The following STAB1 variants were observed in gnomAD, a reference collection of about 807,000 sequenced individuals.
STAB1 encodes stabilin 1.
Under a neutral mutation model 332.4 loss-of-function variants are expected in STAB1, and 250 were observed. The ratio of observed to expected loss-of-function variants is 0.75; its 90% CI spans 0.68 to 0.84. The LOEUF is 0.84. Among genes scored for constraint, STAB1 ranks in the 40% least tolerant of loss-of-function variants. STAB1 has a pLI of 0.00. For missense variants in STAB1, 3,249 were observed against 3,489.7 expected (o/e 0.93, Z 1.74); for synonymous variants, 1,475 against 1,390.4 (o/e 1.06, Z -1.35).
chr3:52,501,545 G>A (rs113454193), intron 2 of STAB1, 93 bp from the exon 3 acceptor site: 10 of 1,255,426 alleles, frequency 8.0e-6, no homozygotes, highest in Non-Finnish European at 1.0e-5. Context: ...GAGCAGGGAG[G>A]TGGGTGGGAG....
At chr3:52,508,210 G>A in intron 20 of STAB1, 63 bp from the exon 21 acceptor site, 2 of 1,508,730 alleles carry the variant, frequency 1.3e-6, no homozygotes, top group Non-Finnish European at 1.8e-6. Flanking sequence ...AGGGAGCAGA[G>A]GCAGCCTGGG....
chr3:52,513,793 A>G lies in STAB1; in HGVS notation c.3347A>G (p.Gln1116Arg). 1 of 1,613,410 alleles carries G rather than the reference A, an allele frequency of 6.2e-7. No homozygotes were observed. Among genetic ancestry groups the G allele is most frequent in the Non-Finnish European group, 8.5e-7 (1 of 1,179,984 alleles). ...AACGGTGTCCTACACATCCTCAGCC[A>G]GGTACAGCAGGAGGAGGGTGTGTGC... ...ATNGVLHILS[Q>R]VLLPPRGDVP... is the part of the protein sequence containing the mutation. The change falls in exon 31 of 69, where the codon CAG becomes CGG. Residue 1116 changes from glutamine to arginine, a missense_variant and splice_region_variant. By Grantham distance (43) the Gln-to-Arg change is conservative. Coordinates refer to ENST00000321725, the MANE Select transcript of STAB1 (RefSeq NM_015136.3).
rs150730016 is a variant in STAB1, at chr3:52,521,868, C to T, written c.6188C>T (p.Pro2063Leu). ...GAGCTGCAGCCTGTGTGTACCCCAC[C>T]CTGTGCACCCGAGGCTGTGTGCCGT... ...QLELQPVCTPPCAPEAVCRAG... is the reference protein window; with the variant it reads ...QLELQPVCTPLCAPEAVCRAG... Residue 2063 changes from proline (P) to leucine (L), a missense_variant, in exon 58 of 69, where the codon CCC becomes CTC. Coordinates refer to ENST00000321725, the MANE Select transcript of STAB1 (RefSeq NM_015136.3). The T allele has an allele frequency of 6.6e-5, 106 of 1,603,578 alleles. 1 individual carries two copies. In the African/African-American group the frequency reaches 1.3e-3, roughly 20 times the overall value.
In STAB1 at chr3:52,519,367, C is replaced by G. The variant is rs376841854; in HGVS notation, c.5138C>G (p.Ala1713Gly). 6.2e-7 allele frequency: 1 copy of G among 1,613,116 alleles called. No homozygotes were observed. Residue 1713 changes from alanine to glycine, a missense_variant, in exon 49 of 69, where the codon GCG (alanine) becomes GGG (glycine). Ala to Gly is a moderately conservative substitution (Grantham distance 60). Transcript: ENST00000321725. ...FIDRVLLPPEALHWEPDDAPI... is the reference protein window; with the variant it reads ...FIDRVLLPPEGLHWEPDDAPI... Reference sequence around the variant, plus strand: ...GACCGTGTCCTGCTGCCCCCCGAGGCGCTGCACTGGGAGCCTGATGATGCT... The same window carrying G: ...GACCGTGTCCTGCTGCCCCCCGAGGGGCTGCACTGGGAGCCTGATGATGCT...
At chr3:52,515,291 G>T (rs1243216762) in intron 36 of STAB1, 132 bp from the exon 37 acceptor site, 2 of 951,262 alleles carry the variant, frequency 2.1e-6, no homozygotes, top group South Asian at 1.5e-5. Context: ...TGCCTGTCTT[G>T]GTCCCTCTCT....
chr3:52,501,226 T>A lies in STAB1; in HGVS notation c.139T>A (p.Cys47Ser), dbSNP rs1355270563. 1 of 1,613,786 alleles carries A rather than the reference T, an allele frequency of 6.2e-7. No homozygotes were observed. Among genetic ancestry groups the A allele is most frequent in the Middle Eastern group, 1.6e-4 (1 of 6,062 alleles). Residue 47 changes from cysteine to serine, a missense_variant, in exon 2 of 69, where the codon TGC (cysteine) becomes AGC (serine). By Grantham distance (112) the Cys-to-Ser change is moderately radical. Coordinates refer to ENST00000321725, the MANE Select transcript of STAB1 (RefSeq NM_015136.3). ...TGTCACTCATGTACCCTGCACCTCGTGCGCGGCCATCAAGAAGCAGACGTG... is the reference window on the plus strand; with the variant it reads ...TGTCACTCATGTACCCTGCACCTCGAGCGCGGCCATCAAGAAGCAGACGTG... Reference protein sequence around the residue: ...TFVTHVPCTSCAAIKKQTCPS... With the variant: ...TFVTHVPCTSSAAIKKQTCPS...
chr3:52,495,857 C>T (rs1050622365), intron 1 of STAB1, among the ~76,000 whole-genome samples: 10 of 152,318 alleles, frequency 6.6e-5, no homozygotes, highest in East Asian at 1.9e-4. Context: ...CTCCAACCCC[C>T]GAGGACTACA....
chr3:52,502,505 A>G, intron 5 of STAB1, 127 bp from the exon 6 acceptor site: 1 of 890,002 alleles, frequency 1.1e-6, no homozygotes, highest in Non-Finnish European at 1.7e-6. Flanking sequence ...CCCGCATCAC[A>G]GCTCTGTACT....
chr3:52,510,378 C>T lies in STAB1; in HGVS notation c.2658C>T (p.Thr886=). ...AGTGTGTCCCTGGGTCCCTGGGCAC[C>T]CACCACTGCACATGCCACAAAGGCT... is the stretch of plus-strand genomic sequence containing the variant. ...NAECVPGSLG[T]HHCTCHKGWS... Residue 886 remains threonine, a synonymous_variant, in exon 25 of 69, where the codon ACC becomes ACT. Transcript: ENST00000321725. The T allele has an allele frequency of 6.2e-7, 1 of 1,613,998 alleles. No homozygotes were observed. Among genetic ancestry groups the T allele is most frequent in the Non-Finnish European group, 8.5e-7 (1 of 1,180,012 alleles).
chr3:52,517,475 G>T, intron 43 of STAB1, 75 bp from the exon 44 acceptor site: 1 of 1,590,950 alleles, frequency 6.3e-7, no homozygotes, highest in Non-Finnish European at 8.6e-7. Flanking sequence ...GCCCGGGGAG[G>T]GGGGTGACCC....
At position 52,507,797 on chromosome 3, in the gene STAB1, G is replaced by A; in HGVS notation, c.2052+122G>A. On this transcript the variant is annotated intron_variant, in intron 19 of 68. Coordinates refer to ENST00000321725, the MANE Select transcript of STAB1 (RefSeq NM_015136.3). Reference sequence around the variant, plus strand: ...AGGCTAGATCACACCTGGAGGCTAAGTGCTTCGCAGCCCCACTGGACCAGG... The same window carrying A: ...AGGCTAGATCACACCTGGAGGCTAAATGCTTCGCAGCCCCACTGGACCAGG... 5 of 1,463,422 alleles carry A rather than the reference G, an allele frequency of 3.4e-6. No homozygotes were observed. In the Admixed American group the frequency reaches 8.6e-5, roughly 25 times the overall value. The allele number at this position is 1,463,422 out of a possible 1,614,324, so 90.7% of individuals were successfully genotyped here. A position where few individuals can be genotyped will look rare whatever the true frequency, so the allele number is the denominator to read the frequency against.
In STAB1 at chr3:52,520,496, C is replaced by A; in HGVS notation, c.5596C>A (p.Pro1866Thr). The part of the protein sequence containing the change: ...LAYGIDQLLE[P>T]PGLGARCDHF... ...CTATGGCATCGACCAGCTGCTGGAG[C>A]CACCTGGCCTTGGTGCTCGCTGTGA... Residue 1866 changes from proline (P) to threonine (T), a missense_variant, in exon 53 of 69, where the codon CCA (proline) becomes ACA (threonine). Transcript: ENST00000321725. 1.2e-6 allele frequency: 2 copies of A among 1,612,604 alleles called. No homozygotes were observed. The highest frequency in any genetic ancestry group is 1.7e-6 in the Non-Finnish European group (2 of 1,179,898).
rs1174012525 is a variant in STAB1, at chr3:52,510,387, C to T, written c.2667C>T (p.Cys889=). The change falls in exon 25 of 69, where the codon TGC becomes TGT. Residue 889 remains cysteine, a synonymous_variant. Coordinates refer to ENST00000321725, the MANE Select transcript of STAB1 (RefSeq NM_015136.3). ...CTGGGTCCCTGGGCACCCACCACTG[C>T]ACATGCCACAAAGGCTGGAGTGGGG... ...CVPGSLGTHH[C]TCHKGWSGDG... is the part of the protein sequence containing the mutation. 3.1e-6 allele frequency: 5 copies of T among 1,614,058 alleles called. No individual in the cohort carries two copies. The highest frequency in any genetic ancestry group is 4.2e-6 in the Non-Finnish European group (5 of 1,180,026).
intron 1 of STAB1, among the ~76,000 whole-genome samples, chr3:52,497,136 G>A (rs1262108245): frequency 6.6e-6 from 1 of 152,058 alleles, no homozygotes; most frequent in Non-Finnish European, 1.5e-5. Context: ...CGAGAACTGG[G>A]ATTACAGGCG....
intron 39 of STAB1, 26 bp from the exon 40 acceptor site, chr3:52,516,516 A>T (rs756300698): frequency 6.2e-7 from 1 of 1,613,272 alleles, no homozygotes. Flanking sequence ...GGTCTGAATG[A>T]CCAGAGTCAT....
At chr3:52,517,732 G>A in intron 44 of STAB1, 108 bp downstream of exon 44, 1 of 1,550,454 alleles carries the variant, frequency 6.4e-7, no homozygotes, top group Non-Finnish European at 8.8e-7. Flanking sequence ...CTGCAGGGTG[G>A]GCTATCCTCC....
chr3:52,522,502 C>G (rs772379904), intron 60 of STAB1, 28 bp downstream of exon 60: 2 of 1,612,950 alleles, frequency 1.2e-6, no homozygotes, highest in Non-Finnish European at 1.7e-6. Context: ...CTCCCAGTAC[C>G]CATTTCATTC....
Position 52,508,043 on chromosome 3 carries a change from G to A in STAB1, c.2148+17G>A. The stretch of plus-strand genomic sequence containing the variant: ...ACCATCATGGTAAGCGTGGGCATGG[G>A]TGCCCACTCCCAGGTCACCTGGGCA... On this transcript the variant is annotated intron_variant, in intron 20 of 68. Transcript: ENST00000321725. The A allele has an allele frequency of 6.2e-7, 1 of 1,606,576 alleles. No individual in the cohort carries two copies. The highest frequency in any genetic ancestry group is 8.5e-7 in the Non-Finnish European group (1 of 1,174,860).
chr3:52,513,709 C>T lies in STAB1; in HGVS notation c.3271-8C>T. On this transcript the variant is annotated splice_region_variant and splice_polypyrimidine_tract_variant and intron_variant, in intron 30 of 68. Transcript: ENST00000321725. ...CACCTGTGGCTAAGCTCTGCTGCTG[C>T]CTTCCAGAGGGTCTGGGTGCAGAAT... The T allele has an allele frequency of 6.2e-7, 1 of 1,612,362 alleles. No individual in the cohort carries two copies. Among genetic ancestry groups the T allele is most frequent in the Non-Finnish European group, 8.5e-7 (1 of 1,179,740 alleles).
Sources: gnomAD v4.1 joint callset for allele counts (sites outside exome capture counted in the v4.1 genomes callset) on GRCh38, gnomAD v4.1.1 for gene constraint, MANE v1.5 for transcripts, NCBI Gene and HGNC (gene_info 2026-07-23, HGNC 2026-07-21) for gene names.